ENTHD1: variants seen among roughly 807,000 people sequenced by gnomAD.
ENTHD1 encodes the protein ENTH domain-containing protein 1.
A neutral mutation model predicts 39.1 loss-of-function variants in ENTHD1; 23 were observed. The observed-to-expected ratio is 0.59, with a 90% CI of 0.42 to 0.83. The LOEUF is 0.83. Ranked by LOEUF, ENTHD1 falls within the 40% of genes least tolerant of loss-of-function variation. ENTHD1 has a pLI of 0.00. For missense variants in ENTHD1, 624 were observed against 705.4 expected (o/e 0.88, Z 1.31); for synonymous variants, 230 against 258.2 (o/e 0.89, Z 1.05).
chr22:39,861,711 A>C (rs1468191914), intron 3 of ENTHD1, 54 bp downstream of exon 3: 14 of 1,321,100 alleles, frequency 1.1e-5, no homozygotes, highest in Non-Finnish European at 1.4e-5. Context: ...TTATATTTTT[A>C]AATCATTTTT....
At chr22:39,756,287 G>GTCTCTCTCTC (rs769318998) in intron 6 of ENTHD1, among the ~76,000 whole-genome samples, 119 of 144,416 alleles carry the variant, frequency 8.2e-4, no homozygotes, top group African/African-American at 2.1e-3. Flanking sequence ...CAATGTCTCT[G>GTCTCTCTCTC]TCTCTCTCTC....
chr22:39,789,397 C>T (rs1934981362), intron 5 of ENTHD1, among the ~76,000 whole-genome samples: 1 of 152,060 alleles, frequency 6.6e-6, no homozygotes, highest in East Asian at 1.9e-4. Context: ...AATCTGGCTT[C>T]CATTCGTACC....
At chr22:39,789,095 T>C (rs1336746904) in intron 5 of ENTHD1, among the ~76,000 whole-genome samples, 1 of 152,146 alleles carries the variant, frequency 6.6e-6, no homozygotes, top group Non-Finnish European at 1.5e-5. Context: ...TGTGTATGTA[T>C]GCATCACATT....
chr22:39,880,328 G>C (rs2146763642), intron 2 of ENTHD1, among the ~76,000 whole-genome samples: 1 of 152,314 alleles, frequency 6.6e-6, no homozygotes, highest in Non-Finnish European at 1.5e-5. Flanking sequence ...CTGAAGGAGG[G>C]AGGAAAAAAT....
chr22:39,892,588 A>T (rs2066434945), intron 1 of ENTHD1, among the ~76,000 whole-genome samples: 1 of 152,266 alleles, frequency 6.6e-6, no homozygotes, highest in Admixed American at 6.5e-5. Context: ...GTTGGAGGAA[A>T]AGTTGATTTC....
At chr22:39,849,266 A>C (rs139420199) in intron 3 of ENTHD1, among the ~76,000 whole-genome samples, 137 of 152,334 alleles carry the variant, frequency 9.0e-4, no homozygotes, top group African/African-American at 3.2e-3. Flanking sequence ...AACTGCACTG[A>C]ATCAGCGGTT....
chr22:39,875,928 T>G, intron 2 of ENTHD1: 1 of 1,613,998 alleles, frequency 6.2e-7, no homozygotes, highest in Non-Finnish European at 8.5e-7. Flanking sequence ...TGGGTTATCC[T>G]GATAGGTGTT....
At chr22:39,764,538 T>C in intron 6 of ENTHD1, among the ~76,000 whole-genome samples, 2 of 152,236 alleles carry the variant, frequency 1.3e-5, no homozygotes, top group Admixed American at 1.3e-4. Flanking sequence ...TAAGAACCAA[T>C]AAAACTACTA....
rs1294534537 is a variant in ENTHD1 at position 39,887,702 on chromosome 22, T to A, written c.47A>T (p.Asp16Val). 1 of 1,592,098 alleles carries A rather than the reference T, an allele frequency of 6.3e-7. No individual in the cohort carries two copies. Among genetic ancestry groups the A allele is most frequent in the South Asian group, 1.1e-5 (1 of 87,338 alleles). ...TGCTTCCCTGACTTTTATTTCAGCA[T>A]CTGAGTAATTTTTCACAAAGTTTTT... ...QVKNFVKNYS[D>V]AEIKVREATS... The change falls in exon 2 of 7, where the codon GAT (aspartate) becomes GTT (valine). Residue 16 changes from aspartate (D) to valine (V), a missense_variant. Transcript: ENST00000325157.
intron 6 of ENTHD1, among the ~76,000 whole-genome samples, chr22:39,745,469 A>G (rs913408910): frequency 2.0e-5 from 3 of 152,162 alleles, no homozygotes; most frequent in Admixed American, 6.5e-5. Flanking sequence ...GGCAGCTTCT[A>G]TTTTTTGCTT....
At chr22:39,775,900 T>C (rs550510462) in intron 5 of ENTHD1, among the ~76,000 whole-genome samples, 2 of 152,302 alleles carry the variant, frequency 1.3e-5, no homozygotes, top group African/African-American at 4.8e-5. Flanking sequence ...TGTCTTTTTT[T>C]CTTTTTAAGG....
intron 5 of ENTHD1, among the ~76,000 whole-genome samples, chr22:39,816,631 C>T (rs1242028292): frequency 6.6e-6 from 1 of 152,072 alleles, no homozygotes; most frequent in African/African-American, 2.4e-5. Flanking sequence ...GCCCATTGCC[C>T]TTATCTAAAA....
intron 3 of ENTHD1, among the ~76,000 whole-genome samples, chr22:39,839,909 A>G (rs2146683356): frequency 6.6e-6 from 1 of 152,372 alleles, no homozygotes; most frequent in South Asian, 2.1e-4. Flanking sequence ...GGCCTAGAAT[A>G]GCCTAAATGT....
chr22:39,869,666 A>C (rs1231708179), intron 2 of ENTHD1, among the ~76,000 whole-genome samples: 1 of 152,008 alleles, frequency 6.6e-6, no homozygotes, highest in Admixed American at 6.6e-5. Context: ...AGCAATCACA[A>C]TATAAATCCA....
intron 3 of ENTHD1, among the ~76,000 whole-genome samples, chr22:39,847,101 CA>C (rs1206825815): frequency 6.6e-6 from 1 of 151,978 alleles, no homozygotes; most frequent in Non-Finnish European, 1.5e-5. Context: ...TTCACAATAG[CA>C]AAGACTTGGA....
intron 4 of ENTHD1, among the ~76,000 whole-genome samples, chr22:39,825,754 A>G (rs189312649): frequency 6.7e-6 from 1 of 149,414 alleles, no homozygotes; most frequent in East Asian, 2.0e-4. Flanking sequence ...CTGCCTGCCT[A>G]TTTTGATTAT....
intron 4 of ENTHD1, among the ~76,000 whole-genome samples, chr22:39,829,891 G>C (rs1381160392): frequency 6.6e-6 from 1 of 151,738 alleles, no homozygotes; most frequent in African/African-American, 2.4e-5. Flanking sequence ...ACAGATGGGG[G>C]TCTCACTACG....
At chr22:39,783,691 A>G (rs927676159) in intron 5 of ENTHD1, among the ~76,000 whole-genome samples, 1 of 152,190 alleles carries the variant, frequency 6.6e-6, no homozygotes, top group African/African-American at 2.4e-5. Context: ...AAAACTGGAT[A>G]ACTATAGGAA....
intron 3 of ENTHD1, among the ~76,000 whole-genome samples, chr22:39,854,388 A>C (rs2066068723): frequency 6.6e-6 from 1 of 152,228 alleles, no homozygotes; most frequent in African/African-American, 2.4e-5. Context: ...TCCTTAATAC[A>C]GGTAAAGTTC....
Sources: gnomAD v4.1 joint callset for allele counts (sites outside exome capture counted in the v4.1 genomes callset) on GRCh38, gnomAD v4.1.1 for gene constraint, MANE v1.5 for transcripts, NCBI Gene and HGNC (gene_info 2026-07-23, HGNC 2026-07-21) for gene names.